FNDC3A: variants seen among roughly 807,000 people sequenced by gnomAD.
FNDC3A encodes fibronectin type-III domain-containing protein 3A.
FNDC3A carries 32 observed loss-of-function variants against 148.9 expected under a neutral mutation model. The ratio of observed to expected loss-of-function variants is 0.21; its 90% CI spans 0.16 to 0.29. The LOEUF (loss-of-function observed/expected upper bound fraction) is 0.29. FNDC3A is among the 10% of genes least tolerant of loss of function. FNDC3A has a pLI of 1.00. For missense variants in FNDC3A, 1,191 were observed against 1,452.8 expected (o/e 0.82, Z 2.93); for synonymous variants, 472 against 473.6 (o/e 1.00, Z 0.04).
At position 49,136,369 on chromosome 13, in the gene FNDC3A, T is replaced by C. The variant is rs1882357338; in HGVS notation, c.528T>C (p.Asp176=). 6 of 1,614,158 alleles carry C rather than the reference T, an allele frequency of 3.7e-6. No homozygotes were observed. The highest frequency in any genetic ancestry group is 1.6e-4 in the Middle Eastern group (1 of 6,062). ...CACATGGAAGGTCCAACTTTAGAGA[T>C]GAACGATCTAGTAAAACATATGAAC... ...HSTHGRSNFR[D]ERSSKTYERL... The change falls in exon 6 of 26, where the codon GAT becomes GAC. Residue 176 remains aspartate (D), a synonymous_variant. Coordinates refer to ENST00000492622, the MANE Select transcript of FNDC3A (RefSeq NM_001079673.2).
chr13:49,087,626 G>T (rs1003231152), intron 3 of FNDC3A, among the ~76,000 whole-genome samples: 1 of 152,054 alleles, frequency 6.6e-6, no homozygotes, highest in African/African-American at 2.4e-5. Flanking sequence ...TTTTACAAGA[G>T]TCAAAAATTT....
At chr13:49,129,076 TC>T (rs1881875681) in intron 4 of FNDC3A, among the ~76,000 whole-genome samples, 1 of 152,254 alleles carries the variant, frequency 6.6e-6, no homozygotes, top group African/African-American at 2.4e-5. Flanking sequence ...TAGTGTGGGT[TC>T]CCCACAAATA....
At chr13:49,063,862 A>G (rs1189535793) in intron 2 of FNDC3A, among the ~76,000 whole-genome samples, 1 of 152,232 alleles carries the variant, frequency 6.6e-6, no homozygotes, top group Non-Finnish European at 1.5e-5. Flanking sequence ...TTGATATAAT[A>G]ATTCTTCTAC....
At chr13:48,985,805 G>A (rs957022942) in intron 1 of FNDC3A, among the ~76,000 whole-genome samples, 1 of 152,166 alleles carries the variant, frequency 6.6e-6, no homozygotes, top group African/African-American at 2.4e-5. Flanking sequence ...GTTGGATTAG[G>A]GATCAGGAAA....
chr13:49,054,437 A>G (rs888201221), intron 2 of FNDC3A, among the ~76,000 whole-genome samples: 1 of 152,212 alleles, frequency 6.6e-6, no homozygotes, highest in African/African-American at 2.4e-5. Flanking sequence ...CACATTGCAC[A>G]GAGGATAGTA....
At chr13:48,975,327 C>A (rs1221616830), upstream of FNDC3A, 1 of 152,150 alleles carries the variant, frequency 6.6e-6, no homozygotes, top group Non-Finnish European at 1.5e-5. Flanking sequence ...AAATTGAGGT[C>A]GTGGTTTTCC....
chr13:49,103,616 G>GA (rs1879992828), intron 3 of FNDC3A, among the ~76,000 whole-genome samples: 1 of 152,230 alleles, frequency 6.6e-6, no homozygotes, highest in Admixed American at 6.5e-5. Context: ...AATAGTTCTA[G>GA]AAAGAGCCTA....
At chr13:49,120,862 A>C (rs953928910) in intron 4 of FNDC3A, among the ~76,000 whole-genome samples, 8 of 152,208 alleles carry the variant, frequency 5.3e-5, no homozygotes, top group African/African-American at 1.9e-4. Flanking sequence ...TTAGAGACCT[A>C]CAAACAGACT....
intron 3 of FNDC3A, among the ~76,000 whole-genome samples, chr13:49,088,381 A>G (rs1374745169): frequency 6.6e-6 from 1 of 152,192 alleles, no homozygotes; most frequent in Admixed American, 6.5e-5. Flanking sequence ...GCACAGTTTT[A>G]TTTCACTCAG....
At position 49,077,796 on chromosome 13, in the gene FNDC3A, T is replaced by A. The variant is rs539365195; in HGVS notation, c.175+2432T>A. On this transcript the variant is annotated intron_variant, in intron 3 of 25. Coordinates refer to ENST00000492622, the MANE Select transcript of FNDC3A (RefSeq NM_001079673.2). Reference sequence around the variant, plus strand: ...TGTATCCCACAACTTAAAGTAAAAATTTTTTAAAAATTTCTCTAAGTTAAT... The same window carrying A: ...TGTATCCCACAACTTAAAGTAAAAAATTTTTAAAAATTTCTCTAAGTTAAT... Among the ~76,000 whole-genome samples, 357 of 152,306 alleles carry A rather than the reference T, an allele frequency of 2.3e-3. 3 individuals carry two copies. The highest frequency in any genetic ancestry group is 7.9e-3 in the African/African-American group (330 of 41,572).
At chr13:49,059,084 A>G (rs936998590) in intron 2 of FNDC3A, among the ~76,000 whole-genome samples, 6 of 152,214 alleles carry the variant, frequency 3.9e-5, no homozygotes, top group African/African-American at 1.4e-4. Context: ...ACATGTTAGG[A>G]TACAAGTACC....
chr13:49,042,758 C>T (rs542572526), intron 2 of FNDC3A, among the ~76,000 whole-genome samples: 7 of 152,182 alleles, frequency 4.6e-5, no homozygotes, highest in Admixed American at 4.6e-4. Context: ...GCCTAGGCAA[C>T]AGAGACCCTG....
chr13:49,183,377 C>G (rs1010130159), intron 14 of FNDC3A, among the ~76,000 whole-genome samples: 2 of 152,182 alleles, frequency 1.3e-5, no homozygotes, highest in African/African-American at 4.8e-5. Context: ...CATGAAGATT[C>G]TAAATTCCTT....
At chr13:49,139,462 A>G (rs960926643) in intron 7 of FNDC3A, among the ~76,000 whole-genome samples, 14 of 152,220 alleles carry the variant, frequency 9.2e-5, no homozygotes, top group Non-Finnish European at 1.5e-5. Context: ...TGCCCCAAAA[A>G]TACTTTGTTT....
At chr13:49,034,564 A>G (rs1874359594) in intron 2 of FNDC3A, among the ~76,000 whole-genome samples, 1 of 152,002 alleles carries the variant, frequency 6.6e-6, no homozygotes. Context: ...TTTAATTCTA[A>G]ATTGCAATAT....
chr13:49,075,264 A>C (rs762063018), intron 2 of FNDC3A, 25 bp from the exon 3 acceptor site: 1 of 1,402,486 alleles, frequency 7.1e-7, no homozygotes, highest in Admixed American at 1.8e-5. Context: ...TGTTTTGATT[A>C]ATACTTCTTC....
rs924675188 is a variant in FNDC3A at position 49,183,543 on chromosome 13, C to T, written c.1618-2421C>T. Among the ~76,000 whole-genome samples the T allele has an allele frequency of 3.3e-5, 5 of 152,224 alleles. No individual in the cohort carries two copies. In the South Asian group the frequency reaches 8.3e-4, roughly 25 times the overall value. Reference sequence around the variant, plus strand: ...ACCTTTATGACTAGAAGGTGCTTTACAGTAAAAGGAGACAATGTTGAACTA... The same window carrying T: ...ACCTTTATGACTAGAAGGTGCTTTATAGTAAAAGGAGACAATGTTGAACTA... On this transcript the variant is annotated intron_variant, in intron 14 of 25. Transcript: ENST00000492622.
At chr13:49,071,389 A>G (rs1345859288) in intron 2 of FNDC3A, among the ~76,000 whole-genome samples, 2 of 152,078 alleles carry the variant, frequency 1.3e-5, no homozygotes, top group Non-Finnish European at 1.5e-5. Flanking sequence ...TTGGACATAT[A>G]CTCAGCAGTA....
chr13:49,085,952 G>A (rs1022648954), intron 3 of FNDC3A, among the ~76,000 whole-genome samples: 2 of 150,464 alleles, frequency 1.3e-5, no homozygotes, highest in Admixed American at 6.6e-5. Flanking sequence ...GCCCGATCTC[G>A]GCTCACTGCA....
Sources: allele counts gnomAD v4.1 joint callset (sites outside exome capture counted in the v4.1 genomes callset), GRCh38; gene constraint gnomAD v4.1.1; transcripts MANE v1.5; gene names NCBI Gene and HGNC (gene_info 2026-07-23, HGNC 2026-07-21).